Variants in YAP1 observed in about 807,000 individuals in gnomAD.
The protein encoded by YAP1 is Yes1 associated transcriptional regulator.
A neutral mutation model predicts 56.9 loss-of-function variants in YAP1; 5 were observed. The ratio of observed to expected loss-of-function variants is 0.09; its 90% CI spans 0.05 to 0.18. The LOEUF (loss-of-function observed/expected upper bound fraction) is 0.18. YAP1 is among the 10% of genes least tolerant of loss of function. YAP1 has a pLI of 1.00. For missense variants in YAP1, 539 were observed against 651.8 expected (o/e 0.83, Z 1.88); for synonymous variants, 265 against 248.1 (o/e 1.07, Z -0.64).
At chr11:102,194,968 G>T (rs951282122) in intron 4 of YAP1, among the ~76,000 whole-genome samples, 4 of 151,950 alleles carry the variant, frequency 2.6e-5, no homozygotes, top group Non-Finnish European at 5.9e-5. Flanking sequence ...GTGTTGCTCA[G>T]TCTGGTCTTG....
At chr11:102,149,629 A>G (rs941547090) in intron 2 of YAP1, among the ~76,000 whole-genome samples, 3 of 152,242 alleles carry the variant, frequency 2.0e-5, no homozygotes, top group African/African-American at 7.2e-5. Context: ...GAGTATAGAA[A>G]GTAAAAACAG....
At chr11:102,115,187 T>C (rs1410708319) in intron 2 of YAP1, among the ~76,000 whole-genome samples, 3 of 152,324 alleles carry the variant, frequency 2.0e-5, no homozygotes, top group Middle Eastern at 6.8e-3. Context: ...AAGACCTCAA[T>C]TTTTTTCTGG....
intron 6 of YAP1, among the ~76,000 whole-genome samples, chr11:102,215,679 A>G (rs1440872327): frequency 1.3e-5 from 2 of 152,104 alleles, no homozygotes; most frequent in African/African-American, 4.8e-5. Flanking sequence ...GGGTTTCACC[A>G]TGTTGGTCAG....
At chr11:102,223,892 C>T in intron 7 of YAP1, 140 bp downstream of exon 7, 1 of 1,099,402 alleles carries the variant, frequency 9.1e-7, no homozygotes. Flanking sequence ...CTGTAAATGG[C>T]AAGTACATGC....
chr11:102,132,414 G>A (rs978259806), intron 2 of YAP1, among the ~76,000 whole-genome samples: 4 of 152,058 alleles, frequency 2.6e-5, no homozygotes, highest in African/African-American at 9.7e-5. Context: ...TCTGACTTTG[G>A]GTATTTTTTT....
At chr11:102,173,184 G>A (rs1947018944) in intron 3 of YAP1, among the ~76,000 whole-genome samples, 1 of 152,128 alleles carries the variant, frequency 6.6e-6, no homozygotes, top group African/African-American at 2.4e-5. Flanking sequence ...GAAGAAAAGG[G>A]AAGATAAAAG....
At position 102,227,504 on chromosome 11, in the gene YAP1, G is replaced by A; in HGVS notation, c.1199G>A (p.Ser400Asn). 1 of 1,613,980 alleles carries A rather than the reference G, an allele frequency of 6.2e-7. No individual in the cohort carries two copies. Among genetic ancestry groups the A allele is most frequent in the Non-Finnish European group, 8.5e-7 (1 of 1,179,946 alleles). ...CACTCTCGAGATGAGAGTACAGACA[G>A]TGGACTAAGCATGAGCAGCTACAGT... ...TYHSRDESTD[S>N]GLSMSSYSVP... Residue 400 changes from serine to asparagine, a missense_variant, in exon 8 of 9, where the codon AGT becomes AAT. Transcript: ENST00000282441.
intron 2 of YAP1, among the ~76,000 whole-genome samples, chr11:102,135,803 T>C (rs1944639486): frequency 6.6e-6 from 1 of 152,242 alleles, no homozygotes; most frequent in African/African-American, 2.4e-5. Context: ...AAATTTTATA[T>C]AAATGAAGTG....
chr11:102,163,531 C>T (rs1341039624), intron 3 of YAP1, among the ~76,000 whole-genome samples: 1 of 152,136 alleles, frequency 6.6e-6, no homozygotes, highest in Non-Finnish European at 1.5e-5. Context: ...CTCCCCTGGC[C>T]CCCACGCTTT....
At chr11:102,206,135 G>A in intron 5 of YAP1, 61 bp downstream of exon 5, 17 of 1,557,690 alleles carry the variant, frequency 1.1e-5, no homozygotes, top group Non-Finnish European at 1.5e-5. Flanking sequence ...TTAAAGTTGG[G>A]CAGATTTCAT....
At chr11:102,162,350 C>A in intron 2 of YAP1, 106 bp from the exon 3 acceptor site, 1 of 892,136 alleles carries the variant, frequency 1.1e-6, no homozygotes, top group Non-Finnish European at 1.8e-6. Flanking sequence ...TGACTTAATG[C>A]TTTTACAGAG....
At chr11:102,176,745 C>A (rs1195185170) in intron 3 of YAP1, among the ~76,000 whole-genome samples, 1 of 45,480 alleles carries the variant, frequency 2.2e-5, no homozygotes. Flanking sequence ...GACTCCGTCT[C>A]AAAAAAAAAA....
rs60256968 is a variant in YAP1, at chr11:102,170,499, GCTTTA to G, written c.688+7934_688+7938del. Among the ~76,000 whole-genome samples, 621 of 152,094 alleles carry G rather than the reference GCTTTA, an allele frequency of 4.1e-3. 3 individuals are homozygous for G. The highest frequency in any genetic ancestry group is 0.014 in the African/African-American group (595 of 41,468). On this transcript the variant is annotated intron_variant, in intron 3 of 8. Transcript: ENST00000282441. ...AAGGTAATTCTTTCCTGTCCTCTTT[GCTTTA>G]CTTTAGAGATTATCTTCTAAAAAGG...
At chr11:102,200,637 G>C (rs189469930) in intron 4 of YAP1, among the ~76,000 whole-genome samples, 2 of 152,058 alleles carry the variant, frequency 1.3e-5, no homozygotes, top group African/African-American at 4.8e-5. Flanking sequence ...TAGAGATAGG[G>C]TTTCACCATT....
chr11:102,220,107 G>A (rs1024556191), intron 6 of YAP1, among the ~76,000 whole-genome samples: 5 of 151,722 alleles, frequency 3.3e-5, no homozygotes, highest in African/African-American at 9.7e-5. Flanking sequence ...GGTGGCTCAC[G>A]CCTGTAATCC....
At chr11:102,180,631 G>A (rs1014946178) in intron 3 of YAP1, among the ~76,000 whole-genome samples, 6 of 137,450 alleles carry the variant, frequency 4.4e-5, no homozygotes, top group Admixed American at 7.8e-5. Flanking sequence ...GCAGTGAGCC[G>A]AGATCATGCC....
chr11:102,112,680 G>A, intron 1 of YAP1: 8 of 985,258 alleles, frequency 8.1e-6, no homozygotes, highest in Non-Finnish European at 9.6e-6. Flanking sequence ...CAAAAACCCG[G>A]GTTAAGGAGG....
Position 102,227,790 on chromosome 11 carries a change from C to T in YAP1, c.1276+209C>T, listed in dbSNP as rs368280458. On this transcript the variant is annotated intron_variant, in intron 8 of 8. Coordinates refer to ENST00000282441, the MANE Select transcript of YAP1 (RefSeq NM_001130145.3). Reference sequence around the variant, plus strand: ...AAAAAAATATATATCATGGATTGGCCGGGTGCAGTGGCTCATGCCTCTAAT... The same window carrying T: ...AAAAAAATATATATCATGGATTGGCTGGGTGCAGTGGCTCATGCCTCTAAT... Among the ~76,000 whole-genome samples, 17 of 152,100 alleles carry T rather than the reference C, an allele frequency of 1.1e-4. No individual in the cohort carries two copies. In the East Asian group the frequency reaches 2.3e-3, roughly 21 times the overall value.
intron 3 of YAP1, among the ~76,000 whole-genome samples, chr11:102,175,432 A>ATG (rs1379645223): frequency 1.3e-5 from 2 of 152,172 alleles, no homozygotes; most frequent in Non-Finnish European, 2.9e-5. Flanking sequence ...CCAAAACTTG[A>ATG]TGTATAGACT....
Sources: allele counts gnomAD v4.1 joint callset (sites outside exome capture counted in the v4.1 genomes callset), GRCh38; gene constraint gnomAD v4.1.1; transcripts MANE v1.5; gene names NCBI Gene and HGNC (gene_info 2026-07-23, HGNC 2026-07-21).